The following SLC6A6 variants were observed in gnomAD, a reference collection of about 807,000 sequenced individuals.
The protein encoded by SLC6A6 is sodium- and chloride-dependent taurine transporter.
Under a neutral mutation model 68.8 loss-of-function variants are expected in SLC6A6, and 16 were observed. The observed-to-expected ratio is 0.23, with a 90% CI of 0.16 to 0.35. SLC6A6 has a LOEUF of 0.35. Ranked by LOEUF, SLC6A6 falls within the 10% of genes least tolerant of loss-of-function variation. SLC6A6 has a pLI of 1.00. For missense variants in SLC6A6, 474 were observed against 802.8 expected (o/e 0.59, Z 4.95); for synonymous variants, 312 against 315.4 (o/e 0.99, Z 0.12).
At chr3:14,448,443 C>T (rs1334142570) in intron 5 of SLC6A6, among the ~76,000 whole-genome samples, 2 of 152,172 alleles carry the variant, frequency 1.3e-5, no homozygotes, top group South Asian at 2.1e-4. Context: ...GGGGTTTGGC[C>T]GGCTATTGGC....
intron 2 of SLC6A6, among the ~76,000 whole-genome samples, chr3:14,419,336 G>A (rs1023742229): frequency 6.6e-6 from 1 of 152,206 alleles, no homozygotes; most frequent in Non-Finnish European, 1.5e-5. Context: ...TGCTAGGTGT[G>A]CGCCCTCCTC....
At chr3:14,427,370 C>T (rs931347132) in intron 2 of SLC6A6, among the ~76,000 whole-genome samples, 26 of 152,310 alleles carry the variant, frequency 1.7e-4, no homozygotes, top group Middle Eastern at 3.4e-3. Context: ...CCATGTTTTA[C>T]AGGTGAGGAA....
At chr3:14,480,469 G>A (rs796803735) in intron 13 of SLC6A6, among the ~76,000 whole-genome samples, 22 of 96,710 alleles carry the variant, frequency 2.3e-4, no homozygotes, top group African/African-American at 2.2e-3. Flanking sequence ...GAAACAGGCA[G>A]GCACTGGCTC....
In SLC6A6 at chr3:14,417,140, G is replaced by A. The variant is rs4261861; in HGVS notation, c.-12+687G>A. Among the ~76,000 whole-genome samples, 1,409 of 152,174 alleles carry A rather than the reference G, an allele frequency of 9.3e-3. 18 individuals carry two copies. The highest frequency in any genetic ancestry group is 0.032 in the African/African-American group (1,322 of 41,524). ...TTGAGGCCAGGAGCTCGAGACCAGC[G>A]TGGGCAACATAATGAGCCCCATCTC... On this transcript the variant is annotated intron_variant, in intron 2 of 14. Transcript: ENST00000622186.
At chr3:14,431,337 A>C (rs541990868) in intron 2 of SLC6A6, among the ~76,000 whole-genome samples, 23 of 152,168 alleles carry the variant, frequency 1.5e-4, no homozygotes, top group Admixed American at 3.3e-4. Flanking sequence ...TAAACATTCC[A>C]TCTGAAAAAT....
chr3:14,417,945 C>T (rs142469857), intron 2 of SLC6A6, among the ~76,000 whole-genome samples: 163 of 152,252 alleles, frequency 1.1e-3, no homozygotes, highest in Non-Finnish European at 1.9e-3. Context: ...ATGTCTCCTT[C>T]GCTGATTAAG....
At chr3:14,457,355 C>A (rs759017893) in intron 5 of SLC6A6, among the ~76,000 whole-genome samples, 8 of 152,198 alleles carry the variant, frequency 5.3e-5, no homozygotes, top group Non-Finnish European at 8.8e-5. Flanking sequence ...ATCTGAACAC[C>A]ACAGTTAACA....
At chr3:14,449,326 G>A (rs1302360882) in intron 5 of SLC6A6, among the ~76,000 whole-genome samples, 1 of 152,270 alleles carries the variant, frequency 6.6e-6, no homozygotes, top group African/African-American at 2.4e-5. Context: ...AAACAAAAGG[G>A]ACATTGGAAG....
chr3:14,421,752 C>T (rs1337010959), intron 2 of SLC6A6, among the ~76,000 whole-genome samples: 1 of 152,138 alleles, frequency 6.6e-6, no homozygotes, highest in Non-Finnish European at 1.5e-5. Context: ...AACTGGGGCT[C>T]AGGAAGGCAG....
At chr3:14,483,369 C>G (rs1005731855) in intron 14 of SLC6A6, among the ~76,000 whole-genome samples, 1 of 152,224 alleles carries the variant, frequency 6.6e-6, no homozygotes, top group Admixed American at 6.5e-5. Context: ...AGGTGTCCTC[C>G]CAGCCATGAG....
At chr3:14,453,227 G>A (rs937472017) in intron 5 of SLC6A6, among the ~76,000 whole-genome samples, 10 of 152,322 alleles carry the variant, frequency 6.6e-5, no homozygotes, top group Middle Eastern at 6.8e-3. Flanking sequence ...CCGGCTGGAC[G>A]GCAGCAGGGC....
At chr3:14,414,095 G>A (rs1699311442) in intron 1 of SLC6A6, among the ~76,000 whole-genome samples, 1 of 152,186 alleles carries the variant, frequency 6.6e-6, no homozygotes. Flanking sequence ...GAGTCCAGGT[G>A]CTGAAAGATG....
intron 12 of SLC6A6, 169 bp downstream of exon 12, chr3:14,478,737 C>T (rs1305146806): frequency 6.4e-6 from 4 of 622,744 alleles, no homozygotes; most frequent in Non-Finnish European, 1.1e-5. Context: ...GAAGATCCTC[C>T]TGGTGCTAAA....
At position 14,488,101 on chromosome 3, in the gene SLC6A6, G is replaced by C. The variant is rs902551593; in HGVS notation, c.*3094G>C. On this transcript the variant is annotated 3_prime_UTR_variant, in exon 15 of 15. Transcript: ENST00000622186. ...TGGTGAGCTAGGAATTGAGATCCCTGTTTGTGAAAGAGGGAACTGAGGTGC... is the reference window on the plus strand; with the variant it reads ...TGGTGAGCTAGGAATTGAGATCCCTCTTTGTGAAAGAGGGAACTGAGGTGC... 6.5e-6 allele frequency: 1 copy of C among 152,780 alleles called. No individual in the cohort carries two copies. Among genetic ancestry groups the C allele is most frequent in the Non-Finnish European group, 1.5e-5 (1 of 68,200 alleles). The allele number at this position is 152,780 out of a possible 1,614,324, so 9.5% of individuals were successfully genotyped here.
rs542946910 is a variant in SLC6A6, at chr3:14,455,432, C to G, written c.600-2518C>G. Reference sequence around the variant, plus strand: ...TATTAAGCTTCTCAGCCAGCTTGCCCTGAAGAATCAAAGGAAAGGCTGTCT... The same window carrying G: ...TATTAAGCTTCTCAGCCAGCTTGCCGTGAAGAATCAAAGGAAAGGCTGTCT... On this transcript the variant is annotated intron_variant, in intron 5 of 14. Coordinates refer to ENST00000622186, the MANE Select transcript of SLC6A6 (RefSeq NM_003043.6). 7.2e-5 allele frequency among the ~76,000 whole-genome samples: 11 copies of G among 152,302 alleles called. No individual in the cohort carries two copies. The South Asian group carries it at 2.3e-3, about 32-fold the overall frequency.
rs557774268 is a variant in SLC6A6 at position 14,459,805 on chromosome 3, T to C, written c.732+1723T>C. 5.1e-4 allele frequency among the ~76,000 whole-genome samples: 78 copies of C among 152,130 alleles called. 1 individual carries two copies. Among genetic ancestry groups the C allele is most frequent in the African/African-American group, 1.7e-3 (71 of 41,518 alleles). On this transcript the variant is annotated intron_variant, in intron 6 of 14. Transcript: ENST00000622186. The stretch of plus-strand genomic sequence containing the variant: ...GTTTCCTCCTCTATAAAATAGGTGA[T>C]AGTAGGGTTAAAATGAGGTGTGTTA...
chr3:14,435,116 C>A (rs1699822031), intron 2 of SLC6A6, among the ~76,000 whole-genome samples: 1 of 152,168 alleles, frequency 6.6e-6, no homozygotes, highest in Admixed American at 6.5e-5. Flanking sequence ...TCTGGCTGGT[C>A]CCCATCCAGA....
In SLC6A6 at chr3:14,445,733, G is replaced by A. The variant is rs1463278745; in HGVS notation, c.246G>A (p.Pro82=). The part of the protein sequence containing the change: ...YKNGGGAFLI[P]YFIFLFGSGL... The stretch of plus-strand genomic sequence containing the variant: ...TCTCTGCAGGTGCGTTTCTCATACC[G>A]TATTTTATTTTCCTGTTTGGGAGCG... Residue 82 remains proline (P), a synonymous_variant, in exon 4 of 15, where the codon CCG becomes CCA. Coordinates refer to ENST00000622186, the MANE Select transcript of SLC6A6 (RefSeq NM_003043.6). 11 of 1,614,054 alleles carry A rather than the reference G, an allele frequency of 6.8e-6. No homozygotes were observed. The highest frequency in any genetic ancestry group is 1.3e-5 in the African/African-American group (1 of 74,936).
intron 2 of SLC6A6, among the ~76,000 whole-genome samples, chr3:14,427,118 T>C (rs917869610): frequency 2.8e-5 from 4 of 144,918 alleles, no homozygotes; most frequent in Non-Finnish European, 2.9e-5. Context: ...CCGCACTCTC[T>C]GGCTGCTTCT....
Sources: gnomAD v4.1 joint callset for allele counts (sites outside exome capture counted in the v4.1 genomes callset) on GRCh38, gnomAD v4.1.1 for gene constraint, MANE v1.5 for transcripts, NCBI Gene and HGNC (gene_info 2026-07-23, HGNC 2026-07-21) for gene names.